Variants in OPCML observed in about 807,000 individuals in gnomAD.
The protein encoded by OPCML is opioid binding protein/cell adhesion molecule like.
In OPCML, 13 loss-of-function variants were observed where a neutral mutation model predicts 37.8. That is an observed-to-expected ratio of 0.34 (90% CI 0.22 to 0.55). OPCML has a LOEUF of 0.55. OPCML is among the 20% of genes least tolerant of loss of function. The probability of loss-of-function intolerance (pLI) is 0.91; values close to 1 mark genes in which losing one functional copy is unlikely to be tolerated. For synonymous variants in OPCML, 176 were observed against 168.8 expected (o/e 1.04, Z -0.33); for missense variants, 341 against 435.6 (o/e 0.78, Z 1.93).
intron 3 of OPCML, among the ~76,000 whole-genome samples, chr11:132,651,736 A>G (rs962579135): frequency 6.6e-6 from 1 of 152,180 alleles, no homozygotes. Context: ...ATACCAACCA[A>G]TTTCACCTGA....
intron 2 of OPCML, among the ~76,000 whole-genome samples, chr11:132,898,384 G>C: frequency 6.6e-6 from 1 of 152,140 alleles, no homozygotes; most frequent in East Asian, 1.9e-4. Context: ...CCACGCTCAT[G>C]GTATTTCACA....
intron 1 of OPCML, among the ~76,000 whole-genome samples, chr11:133,481,019 G>A (rs1947360336): frequency 6.6e-6 from 1 of 152,210 alleles, no homozygotes; most frequent in South Asian, 2.1e-4. Flanking sequence ...GCACTTGGGG[G>A]CTCTGGCCAG....
intron 4 of OPCML, among the ~76,000 whole-genome samples, chr11:132,523,536 G>T (rs2096299815): frequency 6.8e-6 from 1 of 146,794 alleles, no homozygotes; most frequent in African/African-American, 2.4e-5. Flanking sequence ...AAGAAATGCG[G>T]CTGCTAAAAG....
chr11:132,939,834 A>G (rs1427733868), intron 2 of OPCML, among the ~76,000 whole-genome samples: 1 of 152,172 alleles, frequency 6.6e-6, no homozygotes, highest in Non-Finnish European at 1.5e-5. Flanking sequence ...AACATTTTCA[A>G]CCCAACAGCA....
At chr11:133,216,791 T>C (rs1272071425) in intron 1 of OPCML, among the ~76,000 whole-genome samples, 1 of 151,786 alleles carries the variant, frequency 6.6e-6, no homozygotes, top group Admixed American at 6.6e-5. Context: ...TGAACAAATA[T>C]ATACTCAAAT....
intron 4 of OPCML, among the ~76,000 whole-genome samples, chr11:132,457,893 C>G (rs1474190981): frequency 6.6e-6 from 1 of 152,194 alleles, no homozygotes; most frequent in African/African-American, 2.4e-5. Context: ...AGGCACAGGT[C>G]TATGCATGGG....
chr11:133,216,262 A>G (rs116089008), intron 1 of OPCML, among the ~76,000 whole-genome samples: 2,847 of 152,286 alleles, frequency 0.019, 84 homozygotes, highest in African/African-American at 0.064. Context: ...ACCTCCCAGA[A>G]ACTGTGTTTT....
At chr11:132,458,238 A>T (rs1027154834) in intron 4 of OPCML, among the ~76,000 whole-genome samples, 1 of 152,212 alleles carries the variant, frequency 6.6e-6, no homozygotes, top group Non-Finnish European at 1.5e-5. Flanking sequence ...CGATTCATAA[A>T]AGGATACCTC....
Position 132,750,076 on chromosome 11 carries a change from T to A in OPCML, c.147-92757A>T, listed in dbSNP as rs550557322. Among the ~76,000 whole-genome samples, 7 of 152,038 alleles carry A rather than the reference T, an allele frequency of 4.6e-5. No individual in the cohort carries two copies. The East Asian group carries it at 1.4e-3, about 30-fold the overall frequency. ...TTTTGTATTTTTAGTAAAGACGGGG[T>A]TTTGCCCCAACACTTTGGCAAGCCG... On this transcript the variant is annotated intron_variant, in intron 2 of 7. Coordinates refer to ENST00000524381, the MANE Select transcript of OPCML (RefSeq NM_001012393.5).
intron 2 of OPCML, among the ~76,000 whole-genome samples, chr11:132,835,993 G>A (rs1337880744): frequency 6.6e-6 from 1 of 152,196 alleles, no homozygotes; most frequent in Non-Finnish European, 1.5e-5. Flanking sequence ...GAAATGGAAA[G>A]TGGAAGAAAT....
At chr11:133,425,172 A>G (rs1945976485) in intron 1 of OPCML, among the ~76,000 whole-genome samples, 1 of 152,174 alleles carries the variant, frequency 6.6e-6, no homozygotes, top group Non-Finnish European at 1.5e-5. Context: ...GTCCTGAACT[A>G]TTATATCACA....
intron 1 of OPCML, among the ~76,000 whole-genome samples, chr11:133,318,161 A>G (rs966480167): frequency 2.0e-5 from 3 of 152,164 alleles, no homozygotes; most frequent in Non-Finnish European, 4.4e-5. Context: ...TGGCTCTTTT[A>G]GGACAATCAG....
intron 1 of OPCML, among the ~76,000 whole-genome samples, chr11:133,077,588 AATG>A (rs1230999335): frequency 1.5e-4 from 23 of 152,310 alleles, no homozygotes; most frequent in African/African-American, 5.5e-4. Flanking sequence ...CACAAGGAAA[AATG>A]ATGACTGAGG....
intron 3 of OPCML, among the ~76,000 whole-genome samples, chr11:132,577,176 G>A (rs2096452945): frequency 6.6e-6 from 1 of 152,100 alleles, no homozygotes; most frequent in Non-Finnish European, 1.5e-5. Flanking sequence ...CTCACAAAGG[G>A]AAATTGTCCA....
intron 3 of OPCML, among the ~76,000 whole-genome samples, chr11:132,643,542 C>A (rs1258495307): frequency 6.6e-6 from 1 of 152,220 alleles, no homozygotes; most frequent in African/African-American, 2.4e-5. Flanking sequence ...CTGTCTCTTC[C>A]TTCTTTCTCT....
At chr11:133,237,063 A>T (rs1337072596) in intron 1 of OPCML, among the ~76,000 whole-genome samples, 1 of 152,208 alleles carries the variant, frequency 6.6e-6, no homozygotes, top group Non-Finnish European at 1.5e-5. Flanking sequence ...CAAACATTTC[A>T]AACATGGGGA....
intron 2 of OPCML, among the ~76,000 whole-genome samples, chr11:132,852,478 G>A (rs1205582931): frequency 6.6e-6 from 1 of 152,026 alleles, no homozygotes; most frequent in African/African-American, 2.4e-5. Context: ...TTTTCATTGT[G>A]TTAATATGAG....
At chr11:133,517,969 G>A (rs1435141285) in intron 1 of OPCML, among the ~76,000 whole-genome samples, 2 of 152,194 alleles carry the variant, frequency 1.3e-5, no homozygotes, top group African/African-American at 4.8e-5. Flanking sequence ...CACCCAGGAA[G>A]CAGTCTCTTT....
intron 2 of OPCML, among the ~76,000 whole-genome samples, chr11:132,918,194 T>C (rs1455707987): frequency 6.6e-6 from 1 of 152,248 alleles, no homozygotes; most frequent in Non-Finnish European, 1.5e-5. Context: ...ACTGTTTTTG[T>C]ATCCCTTTTT....
Sources: allele counts gnomAD v4.1 joint callset (sites outside exome capture counted in the v4.1 genomes callset), GRCh38; gene constraint gnomAD v4.1.1; transcripts MANE v1.5; gene names NCBI Gene and HGNC (gene_info 2026-07-23, HGNC 2026-07-21).